Variants in MLLT3 observed in about 807,000 individuals in gnomAD.
The protein encoded by MLLT3 is MLLT3 super elongation complex subunit.
Under a neutral mutation model 53.2 loss-of-function variants are expected in MLLT3, and 4 were observed. The ratio of observed to expected loss-of-function variants is 0.08; its 90% confidence interval spans 0.04 to 0.17. The LOEUF is 0.17. MLLT3 is among the 10% of genes least tolerant of loss of function. MLLT3 has a pLI of 1.00. For synonymous variants in MLLT3, 283 were observed against 230.6 expected (o/e 1.23, Z -2.06); for missense variants, 569 against 684.0 (o/e 0.83, Z 1.87).
At chr9:20,598,905 G>A (rs1353552961) in intron 2 of MLLT3, among the ~76,000 whole-genome samples, 3 of 152,162 alleles carry the variant, frequency 2.0e-5, no homozygotes, top group Non-Finnish European at 4.4e-5. Flanking sequence ...TTAGGCTTCT[G>A]ATTAGGTTAA....
chr9:20,477,260 T>A (rs1406645682), intron 2 of MLLT3, among the ~76,000 whole-genome samples: 1 of 152,174 alleles, frequency 6.6e-6, no homozygotes, highest in Non-Finnish European at 1.5e-5. Context: ...GCTCTATTTG[T>A]CATGATTGGA....
At chr9:20,514,034 C>T (rs1587011806) in intron 2 of MLLT3, among the ~76,000 whole-genome samples, 1 of 151,752 alleles carries the variant, frequency 6.6e-6, no homozygotes, top group African/African-American at 2.4e-5. Context: ...GGGAAAGACA[C>T]CAGTGGGTAG....
chr9:20,570,517 T>C (rs961206047), intron 2 of MLLT3, among the ~76,000 whole-genome samples: 1 of 152,232 alleles, frequency 6.6e-6, no homozygotes, highest in African/African-American at 2.4e-5. Context: ...TACATCAAAC[T>C]ATTTTTGTTT....
Position 20,621,189 on chromosome 9 carries a change from G to A in MLLT3, c.13-355C>T, listed in dbSNP as rs1257589443. Among the ~76,000 whole-genome samples the A allele has an allele frequency of 6.6e-6, 1 of 152,202 alleles. No individual in the cohort carries two copies. The highest frequency in any genetic ancestry group is 1.5e-5 in the Non-Finnish European group (1 of 68,032). On this transcript the variant is annotated intron_variant, in intron 1 of 10. Transcript: ENST00000380338. This position sits in a 1 kb window ranked among gnomAD's most constrained non-coding sequence, Gnocchi z 7.0. ...CGGAAACAAATCAGAAGGCGATGCC[G>A]GGGCGGTTTCCCGGCGTGGGAGGGG...
At chr9:20,356,568 G>GA (rs889223258) in intron 8 of MLLT3, among the ~76,000 whole-genome samples, 101 of 150,628 alleles carry the variant, frequency 6.7e-4, no homozygotes, top group African/African-American at 2.4e-3. Context: ...AAGAAAAAAA[G>GA]AAAAAAAAAG....
chr9:20,457,236 ATCT>A (rs1823992600), intron 2 of MLLT3, among the ~76,000 whole-genome samples: 1 of 123,266 alleles, frequency 8.1e-6, no homozygotes, highest in African/African-American at 3.2e-5. Flanking sequence ...TGACAAGGAC[ATCT>A]TTTTTTTTTT....
intron 4 of MLLT3, among the ~76,000 whole-genome samples, chr9:20,442,179 G>T (rs997538829): frequency 6.6e-6 from 1 of 152,134 alleles, no homozygotes; most frequent in Admixed American, 6.6e-5. Flanking sequence ...TTACAAATGA[G>T]ATGCCATTTT....
chr9:20,433,008 C>G (rs1303337915), intron 4 of MLLT3, among the ~76,000 whole-genome samples: 3 of 152,032 alleles, frequency 2.0e-5, no homozygotes, highest in African/African-American at 7.2e-5. Context: ...TTATAGTCCC[C>G]ATCCACTTGG....
At chr9:20,394,290 G>A (rs944309100) in intron 5 of MLLT3, among the ~76,000 whole-genome samples, 16 of 152,198 alleles carry the variant, frequency 1.1e-4, no homozygotes, top group African/African-American at 3.6e-4. Context: ...ACGGAGGCAG[G>A]GAGGCAGAGC....
intron 2 of MLLT3, among the ~76,000 whole-genome samples, chr9:20,529,444 A>G (rs1262507833): frequency 6.6e-6 from 1 of 152,180 alleles, no homozygotes; most frequent in Non-Finnish European, 1.5e-5. Flanking sequence ...TAGCCAAATC[A>G]GAGTATGTTA....
At chr9:20,599,607 T>G (rs1021507560) in intron 2 of MLLT3, among the ~76,000 whole-genome samples, 1 of 152,156 alleles carries the variant, frequency 6.6e-6, no homozygotes, top group Non-Finnish European at 1.5e-5. Flanking sequence ...AGATATGACC[T>G]AGAAGCATGG....
chr9:20,342,673 TA>T lies in MLLT3; in HGVS notation c.*3769del, dbSNP rs1820764546. On this transcript the variant is annotated 3_prime_UTR_variant, in exon 11 of 11. Coordinates refer to ENST00000380338, the MANE Select transcript of MLLT3 (RefSeq NM_004529.4). The stretch of plus-strand genomic sequence containing the variant: ...TGCCTACATAATAAAAAGCATCATA[TA>T]AAACAAAAGAGGTCAAAAGATGTAG... The T allele has an allele frequency of 4.7e-6, 1 of 214,272 alleles. No homozygotes were observed. Among genetic ancestry groups the T allele is most frequent in the Non-Finnish European group, 9.4e-6 (1 of 106,420 alleles). The allele number at this position is 214,272 out of a possible 1,614,324, so 13.3% of individuals were successfully genotyped here.
Position 20,414,104 on chromosome 9 carries a change from C to T in MLLT3, c.742G>A (p.Val248Ile), listed in dbSNP as rs951584860. ...GGTTCCTTGAAGGCCATCTTAGGAACTATTTTCTCTTCTTTCAGTGGTTTA... is the reference window on the plus strand; with the variant it reads ...GGTTCCTTGAAGGCCATCTTAGGAATTATTTTCTCTTCTTTCAGTGGTTTA... Reference protein sequence around the residue: ...ENKPLKEEKIVPKMAFKEPKP... With the variant: ...ENKPLKEEKIIPKMAFKEPKP... Residue 248 changes from valine (V) to isoleucine (I), a missense_variant, in exon 5 of 11, where the codon GTT becomes ATT. Around this residue, in one of 5 missense-constraint regions of MLLT3, gnomAD observed 437 missense variants for 376.5 expected, o/e 1.16. Coordinates refer to ENST00000380338, the MANE Select transcript of MLLT3 (RefSeq NM_004529.4). The T allele has an allele frequency of 1.2e-6, 2 of 1,613,480 alleles. No homozygotes were observed. The highest frequency in any genetic ancestry group is 2.7e-5 in the African/African-American group (2 of 74,776).
At chr9:20,522,577 T>G (rs1035949755) in intron 2 of MLLT3, among the ~76,000 whole-genome samples, 4 of 152,186 alleles carry the variant, frequency 2.6e-5, no homozygotes, top group African/African-American at 9.6e-5. Flanking sequence ...AGGAAGAGCT[T>G]ACTGCCCAGT....
At chr9:20,431,229 C>T (rs867160431) in intron 4 of MLLT3, among the ~76,000 whole-genome samples, 2 of 152,044 alleles carry the variant, frequency 1.3e-5, no homozygotes, top group Non-Finnish European at 2.9e-5. Context: ...TGAATGTAGT[C>T]GGCAGACCAG....
At chr9:20,456,553 G>GTAA in intron 3 of MLLT3, 151 bp downstream of exon 3, 1 of 609,250 alleles carries the variant, frequency 1.6e-6, no homozygotes, top group South Asian at 2.0e-5. Flanking sequence ...ATAATTAAGG[G>GTAA]TAATGATAGC....
intron 2 of MLLT3, among the ~76,000 whole-genome samples, chr9:20,557,693 C>T (rs747566164): frequency 2.0e-5 from 3 of 152,138 alleles, no homozygotes; most frequent in South Asian, 2.1e-4. Flanking sequence ...GAATATAATA[C>T]GGTCCATAAA....
intron 2 of MLLT3, chr9:20,532,875 C>T: frequency 3.8e-6 from 1 of 263,272 alleles, no homozygotes; most frequent in South Asian, 5.3e-5. Flanking sequence ...AGAGGCAAAG[C>T]AAGACAAGAA....
At chr9:20,368,377 C>G (rs1821509089) in intron 5 of MLLT3, among the ~76,000 whole-genome samples, 1 of 152,156 alleles carries the variant, frequency 6.6e-6, no homozygotes, top group African/African-American at 2.4e-5. Flanking sequence ...TTTGATAGCT[C>G]TGGAAACCAT....
Sources: allele counts gnomAD v4.1 joint callset (sites outside exome capture counted in the v4.1 genomes callset), GRCh38; gene constraint gnomAD v4.1.1; regional missense constraint gnomAD v4.1.1; non-coding constraint Gnocchi (gnomAD v3.1); transcripts MANE v1.5; gene names NCBI Gene and HGNC (gene_info 2026-07-23, HGNC 2026-07-21).